Variants in DRC7 observed in about 807,000 individuals in gnomAD.
DRC7 encodes the protein dynein regulatory complex subunit 7, also known as coiled-coil domain containing 135.
In DRC7, 80 loss-of-function variants were observed where a neutral mutation model predicts 104.4. The ratio of observed to expected loss-of-function variants is 0.77; its 90% CI spans 0.64 to 0.92. DRC7 has a LOEUF of 0.92. Ranked by LOEUF, DRC7 falls within the 40% of genes least tolerant of loss-of-function variation. The probability of loss-of-function intolerance (pLI) is 0.00; values close to 1 mark genes in which losing one functional copy is unlikely to be tolerated. For synonymous variants in DRC7, 405 were observed against 447.3 expected (o/e 0.91, Z 1.19); for missense variants, 1,034 against 1,141.1 (o/e 0.91, Z 1.35).
chr16:57,713,275 T>G (rs1416465776), intron 8 of DRC7, among the ~76,000 whole-genome samples: 1 of 152,254 alleles, frequency 6.6e-6, no homozygotes, highest in Non-Finnish European at 1.5e-5. Context: ...TATTCAAATC[T>G]TATATATCTT....
Position 57,702,137 on chromosome 16 carries a change from T to C in DRC7, c.699+7T>C. The stretch of plus-strand genomic sequence containing the variant: ...CACTGTGAAGCCCAAGGAGGTATGG[T>C]CGGGCTTGAGCTGCCCGGGTTTCCC... On this transcript the variant is annotated splice_region_variant and intron_variant, in intron 6 of 18. Transcript: ENST00000360716. 1 of 1,613,720 alleles carries C rather than the reference T, an allele frequency of 6.2e-7. No individual in the cohort carries two copies. Among genetic ancestry groups the C allele is most frequent in the Non-Finnish European group, 8.5e-7 (1 of 1,179,838 alleles).
intron 12 of DRC7, 140 bp downstream of exon 12, chr16:57,723,270 C>A: frequency 1.0e-6 from 1 of 986,470 alleles, no homozygotes; most frequent in East Asian, 2.6e-5. Context: ...AGAAGCTGCC[C>A]TGCCTCCCTC....
chr16:57,728,335 T>C (rs1233127113), intron 16 of DRC7, 55 bp from the exon 17 acceptor site: 2 of 1,473,150 alleles, frequency 1.4e-6, no homozygotes, highest in Non-Finnish European at 1.8e-6. Flanking sequence ...GCAGAGCTGG[T>C]GGAGAGGTCT....
At chr16:57,725,465 G>T (rs1363789582) in intron 13 of DRC7, 1 of 155,862 alleles carries the variant, frequency 6.4e-6, no homozygotes, top group African/African-American at 2.4e-5. Context: ...ATGGGGCCAA[G>T]GATGTGTTAC....
chr16:57,717,736 T>G (rs1382097408), intron 8 of DRC7, among the ~76,000 whole-genome samples: 11 of 151,452 alleles, frequency 7.3e-5, no homozygotes, highest in African/African-American at 2.2e-4. Context: ...AGATGGGATC[T>G]CCCTTTGCTA....
At chr16:57,700,295 G>A (rs1226021037) in intron 5 of DRC7, 25 bp downstream of exon 5, 1 of 1,603,884 alleles carries the variant, frequency 6.2e-7, no homozygotes, top group South Asian at 1.1e-5. Flanking sequence ...CAGGCTGCAT[G>A]CCTGAGCCCA....
At position 57,722,749 on chromosome 16, in the gene DRC7, T is replaced by C; in HGVS notation, c.1316T>C (p.Ile439Thr). 6.2e-7 allele frequency: 1 copy of C among 1,613,834 alleles called. No homozygotes were observed. The highest frequency in any genetic ancestry group is 2.2e-5 in the East Asian group (1 of 44,868). Residue 439 changes from isoleucine to threonine, a missense_variant, in exon 11 of 19, where the codon ATT (isoleucine) becomes ACT (threonine). Ile to Thr is a moderately conservative substitution (Grantham distance 89). Coordinates refer to ENST00000360716, the MANE Select transcript of DRC7 (RefSeq NM_001289162.2). ...ETRCPNGKKV[I>T]QYKRAKLEKW... is the part of the protein sequence containing the mutation. ...CGCTGCCCGAACGGGAAGAAGGTGA[T>C]TCAGTACAAGAGGGCAAAGCTGGAG...
At chr16:57,699,405 G>A (rs555623250) in intron 4 of DRC7, among the ~76,000 whole-genome samples, 4 of 152,276 alleles carry the variant, frequency 2.6e-5, no homozygotes, top group South Asian at 2.1e-4. Context: ...CAAATAAAGC[G>A]GGTCTGTGGG....
chr16:57,717,363 T>C (rs1271046611), intron 8 of DRC7, among the ~76,000 whole-genome samples: 2 of 140,202 alleles, frequency 1.4e-5, no homozygotes, highest in Non-Finnish European at 3.0e-5. Context: ...GCCTCCCAAG[T>C]AGTCAGAACT....
intron 8 of DRC7, 133 bp from the exon 9 acceptor site, chr16:57,718,214 C>A: frequency 1.7e-6 from 2 of 1,143,068 alleles, no homozygotes; most frequent in Non-Finnish European, 2.5e-6. Flanking sequence ...CTGGGACTGA[C>A]GTTCTGCTTC....
rs79634175 is a variant in DRC7 at position 57,718,215 on chromosome 16, G to A, written c.1078-132G>A. On this transcript the variant is annotated intron_variant, in intron 8 of 18. Transcript: ENST00000360716. ...ACTCTCAGAGCCACCTGGGACTGAC[G>A]TTCTGCTTCCCCAAGCCCTGGGCCC... 1,328 of 1,183,440 alleles carry A rather than the reference G, an allele frequency of 1.1e-3. 19 individuals carry two copies. The African/African-American group carries it at 0.019, about 17-fold the overall frequency. The allele number at this position is 1,183,440 out of a possible 1,614,324, so 73.3% of individuals were successfully genotyped here.
chr16:57,704,717 G>A (rs1382287022), intron 6 of DRC7, among the ~76,000 whole-genome samples, 159 bp from the exon 7 acceptor site: 1 of 152,204 alleles, frequency 6.6e-6, no homozygotes, highest in Non-Finnish European at 1.5e-5. Flanking sequence ...CAAGGTCATG[G>A]AGCTGGAGCT....
At chr16:57,725,900 ACC>A in intron 13 of DRC7, 166 bp from the exon 14 acceptor site, 1 of 635,814 alleles carries the variant, frequency 1.6e-6, no homozygotes, top group Non-Finnish European at 2.9e-6. Context: ...GGCCCTGAGA[ACC>A]CACGAAATCC....
At position 57,730,930 on chromosome 16, in the gene DRC7, G is replaced by A; in HGVS notation, c.2392-1G>A. 6.2e-7 allele frequency: 1 copy of A among 1,613,080 alleles called. No individual in the cohort carries two copies. The highest frequency in any genetic ancestry group is 1.3e-5 in the African/African-American group (1 of 75,014). ...CTTCTCTGTCTGCCCTATGACCACA[G>A]GAGACCCAGGAGCTGCAAAAGAAGC... is the stretch of plus-strand genomic sequence containing the variant. On this transcript the variant is annotated splice_acceptor_variant, in intron 17 of 18. Transcript: ENST00000360716. LOFTEE classifies it high-confidence loss of function.
chr16:57,713,618 T>C (rs1302786341), intron 8 of DRC7, among the ~76,000 whole-genome samples: 1 of 152,242 alleles, frequency 6.6e-6, no homozygotes, highest in Non-Finnish European at 1.5e-5. Context: ...AAACCTCTTT[T>C]TCTTTGCAAA....
intron 2 of DRC7, among the ~76,000 whole-genome samples, chr16:57,697,541 C>T (rs2048607809): frequency 6.6e-6 from 1 of 151,786 alleles, no homozygotes; most frequent in Non-Finnish European, 1.5e-5. Context: ...GCACTCCAAG[C>T]CTGAGTGACA....
Position 57,731,151 on chromosome 16 carries a change from CTCTCTG to C in DRC7, c.2532-13_2532-8del. The C allele has an allele frequency of 6.2e-7, 1 of 1,613,752 alleles. No individual in the cohort carries two copies. The highest frequency in any genetic ancestry group is 8.5e-7 in the Non-Finnish European group (1 of 1,179,876). ...GTAACCCCTCACCCTCTTTCCTTGCCTCTCTGACTTCAGACACAAGGAACTGGCCCC... is the reference window on the plus strand; with the variant it reads ...GTAACCCCTCACCCTCTTTCCTTGCCACTTCAGACACAAGGAACTGGCCCC... On this transcript the variant is annotated splice_region_variant and splice_polypyrimidine_tract_variant and intron_variant, in intron 18 of 18. Coordinates refer to ENST00000360716, the MANE Select transcript of DRC7 (RefSeq NM_001289162.2).
Position 57,731,612 on chromosome 16 carries a change from C to T in DRC7, c.*354C>T. The T allele has an allele frequency of 6.8e-6, 2 of 293,558 alleles. No individual in the cohort carries two copies. The highest frequency in any genetic ancestry group is 1.3e-5 in the Non-Finnish European group (2 of 154,296). The allele number at this position is 293,558 out of a possible 1,614,324, so 18.2% of individuals were successfully genotyped here. On this transcript the variant is annotated 3_prime_UTR_variant, in exon 19 of 19. Transcript: ENST00000360716. ...TCTTCACAGCACCTCTGCAGATGGTCCCACAGCCATCTGCAAACAACTGGT... is the reference window on the plus strand; with the variant it reads ...TCTTCACAGCACCTCTGCAGATGGTTCCACAGCCATCTGCAAACAACTGGT...
At chr16:57,698,518 C>G (rs2923132) in intron 3 of DRC7, among the ~76,000 whole-genome samples, 1 of 151,756 alleles carries the variant, frequency 6.6e-6, no homozygotes, top group Non-Finnish European at 1.5e-5. Flanking sequence ...AAGACCCCCC[C>G]ACCCATGTCT....
Sources: allele counts gnomAD v4.1 joint callset (sites outside exome capture counted in the v4.1 genomes callset), GRCh38; gene constraint gnomAD v4.1.1; transcripts MANE v1.5; gene names NCBI Gene and HGNC (gene_info 2026-07-23, HGNC 2026-07-21).